ENO2: variants seen among roughly 807,000 people sequenced by gnomAD.
The protein encoded by ENO2 is gamma-enolase.
A neutral mutation model predicts 48.7 loss-of-function variants in ENO2; 19 were observed. The ratio of observed to expected loss-of-function variants is 0.39; its 90% confidence interval spans 0.27 to 0.57. The LOEUF (loss-of-function observed/expected upper bound fraction) is 0.57. Ranked by LOEUF, ENO2 falls within the 20% of genes least tolerant of loss-of-function variation. The pLI is 0.58. For synonymous variants in ENO2, 198 were observed against 213.4 expected, an observed-to-expected ratio of 0.93 and a Z score of 0.63; for missense variants, 416 against 555.0, an observed-to-expected ratio of 0.75 and a Z score of 2.52.
Position 6,916,265 on chromosome 12 carries a change from G to T in ENO2, c.86-152G>T. ...GGCCACTTCTTGTGCATCTGCCTCA[G>T]TGTGTGTGTGGGGTGGGGGTGGGGG... On this transcript the variant is annotated intron_variant, in intron 2 of 11. Coordinates refer to ENST00000229277, the MANE Select transcript of ENO2 (RefSeq NM_001975.3). This position sits in a 1 kb window ranked among gnomAD's most constrained non-coding sequence, Gnocchi z 4.5. 1.5e-6 allele frequency: 1 copy of T among 668,414 alleles called. No individual in the cohort carries two copies. 41.4% of individuals were successfully genotyped at this position (668,414 alleles called of 1,614,324 possible).
At chr12:6,917,749 G>A in intron 6 of ENO2, 35 bp downstream of exon 6, 3 of 1,593,820 alleles carry the variant, frequency 1.9e-6, no homozygotes, top group Non-Finnish European at 1.7e-6. Flanking sequence ...TCTCCCAGGG[G>A]CGGGTGGGGG....
rs1555141701 is a variant in ENO2, at chr12:6,917,186, C to A, written c.310+79C>A. On this transcript the variant is annotated intron_variant, in intron 5 of 11. Coordinates refer to ENST00000229277, the MANE Select transcript of ENO2 (RefSeq NM_001975.3). ...CAGATAGAGAGCTGAAGGGCCAGTGCTGTAGTGGCTTCCTCAGGAATGACT... is the reference window on the plus strand; with the variant it reads ...CAGATAGAGAGCTGAAGGGCCAGTGATGTAGTGGCTTCCTCAGGAATGACT... The A allele has an allele frequency of 5.9e-6, 9 of 1,537,740 alleles. No individual in the cohort carries two copies. The East Asian group carries it at 1.8e-4, about 31-fold the overall frequency.
chr12:6,917,713 C>T lies in ENO2; in HGVS notation c.443C>T (p.Pro148Leu). ...AACTCAGACCTCATCCTGCCTGTGCCGGTGAGCAATAAGCCAGCCTGCGGC... is the reference window on the plus strand; with the variant it reads ...AACTCAGACCTCATCCTGCCTGTGCTGGTGAGCAATAAGCCAGCCTGCGGC... ...AGNSDLILPV[P>L]AFNVINGGSH... Residue 148 changes from proline (P) to leucine (L), a missense_variant and splice_region_variant, in exon 6 of 12, where the codon CCG (proline) becomes CTG (leucine). By Grantham distance (98) the Pro-to-Leu change is moderately conservative. Transcript: ENST00000229277. 2 of 1,295,382 alleles carry T rather than the reference C, an allele frequency of 1.5e-6. No homozygotes were observed. The highest frequency in any genetic ancestry group is 2.0e-6 in the Non-Finnish European group (2 of 981,628). 80.2% of individuals were successfully genotyped at this position (1,295,382 alleles called of 1,614,324 possible).
intron 7 of ENO2, among the ~76,000 whole-genome samples, chr12:6,918,618 C>A (rs1042166063): frequency 1.2e-4 from 18 of 150,930 alleles, no homozygotes; most frequent in African/African-American, 4.4e-4. Context: ...GGATTACAAG[C>A]GTGAGCCACC....
At chr12:6,920,445 G>A (rs183601569) in intron 8 of ENO2, among the ~76,000 whole-genome samples, 7 of 151,416 alleles carry the variant, frequency 4.6e-5, no homozygotes, top group African/African-American at 1.7e-4. Context: ...TCTTGCCCAG[G>A]CTGGAGTGCA....
intron 8 of ENO2, among the ~76,000 whole-genome samples, chr12:6,920,772 G>T (rs1945334298): frequency 7.2e-6 from 1 of 139,274 alleles, no homozygotes; most frequent in African/African-American, 2.7e-5. Context: ...GTTGCTCATG[G>T]CTGGTCTCAA....
In ENO2 at chr12:6,917,306, G is replaced by A. The variant is rs782135534; in HGVS notation, c.310+199G>A. On this transcript the variant is annotated intron_variant, in intron 5 of 11. Coordinates refer to ENST00000229277, the MANE Select transcript of ENO2 (RefSeq NM_001975.3). ...AGTAGGCAGAAGGAAGACCTTCTTT[G>A]CAGCATACAGAGGAGGGGGATGGCC... 66 of 725,326 alleles carry A rather than the reference G, an allele frequency of 9.1e-5. No individual in the cohort carries two copies. In the African/African-American group the frequency reaches 1.1e-3, roughly 12 times the overall value. The allele number at this position is 725,326 out of a possible 1,614,324, so 44.9% of individuals were successfully genotyped here. A position where few individuals can be genotyped will look rare whatever the true frequency, so the allele number is the denominator to read the frequency against.
At chr12:6,917,246 G>A in intron 5 of ENO2, 139 bp downstream of exon 5, 1 of 1,095,472 alleles carries the variant, frequency 9.1e-7, no homozygotes, top group Non-Finnish European at 1.3e-6. Flanking sequence ...CCAGAGCAAG[G>A]GGAGATGAGT....
At chr12:6,917,457 G>T in intron 5 of ENO2, 124 bp from the exon 6 acceptor site, 1 of 1,341,390 alleles carries the variant, frequency 7.5e-7, no homozygotes, top group Non-Finnish European at 1.0e-6. Context: ...GTGTTGCTGG[G>T]GCAGGGGTGG....
At chr12:6,921,851 C>A in intron 9 of ENO2, 69 bp downstream of exon 9, 1 of 1,581,094 alleles carries the variant, frequency 6.3e-7, no homozygotes, top group Non-Finnish European at 8.6e-7. Flanking sequence ...AGTGCTCCAG[C>A]CTAATTCTAC....
In ENO2 at chr12:6,919,571, G is replaced by A. The variant is rs1555141922; in HGVS notation, c.673G>A (p.Glu225Lys). Residue 225 changes from glutamate (E) to lysine (K), a missense_variant, in exon 8 of 12, where the codon GAG becomes AAG. Physicochemically the swap from Glu to Lys is moderately conservative, Grantham distance 56 (BLOSUM62 1). Transcript: ENST00000229277. Reference protein sequence around the residue: ...PNILENSEALELVKEAIDKAG... With the variant: ...PNILENSEALKLVKEAIDKAG... Reference sequence around the variant, plus strand: ...TCACTGTATTCTGTCCCCAGCCTTGGAGCTGGTGAAGGAAGCCATCGACAA... The same window carrying A: ...TCACTGTATTCTGTCCCCAGCCTTGAAGCTGGTGAAGGAAGCCATCGACAA... The A allele has an allele frequency of 6.2e-7, 1 of 1,614,008 alleles. No individual in the cohort carries two copies. The highest frequency in any genetic ancestry group is 1.1e-5 in the South Asian group (1 of 91,064).
chr12:6,914,607 TCGCCACCGCCAC>T lies in ENO2; in HGVS notation c.-52_-41del. On this transcript the variant is annotated 5_prime_UTR_variant, in exon 1 of 12. Coordinates refer to ENST00000229277, the MANE Select transcript of ENO2 (RefSeq NM_001975.3). The surrounding 1 kb of genome is among the most constrained non-coding windows in gnomAD (Gnocchi z 7.1). Reference sequence around the variant, plus strand: ...CACTCCCGCTCTCTCAGCGCCGCCGTCGCCACCGCCACCGCCACCGCCACTACCACCGTCTGA... The same window carrying T: ...CACTCCCGCTCTCTCAGCGCCGCCGTCGCCACCGCCACTACCACCGTCTGA... The T allele has an allele frequency of 1.2e-5, 2 of 169,744 alleles. No homozygotes were observed. The highest frequency in any genetic ancestry group is 2.5e-5 in the Non-Finnish European group (2 of 80,816). The allele number at this position is 169,744 out of a possible 1,614,324, so 10.5% of individuals were successfully genotyped here. A position where few individuals can be genotyped will look rare whatever the true frequency, so the allele number is the denominator to read the frequency against.
rs1945350912 is a variant in ENO2 at position 6,922,645 on chromosome 12, GTGGT to G, written c.1236-82_1236-79del. On this transcript the variant is annotated intron_variant, in intron 11 of 11. Coordinates refer to ENST00000229277, the MANE Select transcript of ENO2 (RefSeq NM_001975.3). The surrounding 1 kb of genome is among the most constrained non-coding windows in gnomAD (Gnocchi z 5.3). ...GGACACAAAAGCAGGTGGTGTGGGG[GTGGT>G]TGGAGTCTGGGGGACCCCTAGAGAG... is the stretch of plus-strand genomic sequence containing the variant. 6.7e-7 allele frequency: 1 copy of G among 1,488,338 alleles called. No homozygotes were observed. Among genetic ancestry groups the G allele is most frequent in the African/African-American group, 1.4e-5 (1 of 72,534 alleles). 92.2% of individuals were successfully genotyped at this position (1,488,338 alleles called of 1,614,324 possible). A position where few individuals can be genotyped will look rare whatever the true frequency, so the allele number is the denominator to read the frequency against.
At chr12:6,915,708 CACTGCAGTAA>C in intron 1 of ENO2, 103 bp from the exon 2 acceptor site, 1 of 378,542 alleles carries the variant, frequency 2.6e-6, no homozygotes. Flanking sequence ...ACCCCCCACC[CACTGCAGTAA>C]CCTCTTTCCC....
At position 6,916,560 on chromosome 12, in the gene ENO2, C is replaced by A; in HGVS notation, c.181+48C>A. 1 of 1,611,412 alleles carries A rather than the reference C, an allele frequency of 6.2e-7. No individual in the cohort carries two copies. Among genetic ancestry groups the A allele is most frequent in the Non-Finnish European group, 8.5e-7 (1 of 1,177,916 alleles). On this transcript the variant is annotated intron_variant, in intron 3 of 11. Coordinates refer to ENST00000229277, the MANE Select transcript of ENO2 (RefSeq NM_001975.3). The surrounding 1 kb of genome is among the most constrained non-coding windows in gnomAD (Gnocchi z 4.5). ...GACTCTCCCCCACCTCAGCCTTATG[C>A]CCCTACCTCACACCAGTCCCCAGTC...
At chr12:6,918,981 C>CAAA (rs58247795) in intron 7 of ENO2, among the ~76,000 whole-genome samples, 8 of 75,824 alleles carry the variant, frequency 1.1e-4, no homozygotes, top group African/African-American at 2.7e-4. Flanking sequence ...GACTCCGTCT[C>CAAA]AAAAAAAAAA....
Position 6,915,868 on chromosome 12 carries a change from G to C in ENO2, c.36G>C (p.Leu12=), listed in dbSNP as rs782430511. ...SIEKIWAREI[L]DSRGNPTVEV... is the part of the protein sequence containing the mutation. ...AGAAGATCTGGGCCCGGGAGATCCT[G>C]GACTCCCGCGGGAACCCCACAGTGG... Residue 12 remains leucine (L), a synonymous_variant, in exon 2 of 12, where the codon CTG becomes CTC. Transcript: ENST00000229277. 6.2e-7 allele frequency: 1 copy of C among 1,613,960 alleles called. No homozygotes were observed. Among genetic ancestry groups the C allele is most frequent in the South Asian group, 1.1e-5 (1 of 91,072 alleles).
rs782575715 is a variant in ENO2, at chr12:6,917,147, G to C, written c.310+40G>C. ...GGAGAAAGTGGGGAAGCGTCAGGGT[G>C]GGGAGGCGTGGAGCAGATAGAGAGC... is the stretch of plus-strand genomic sequence containing the variant. On this transcript the variant is annotated intron_variant, in intron 5 of 11. Transcript: ENST00000229277. 4.3e-6 allele frequency: 7 copies of C among 1,611,966 alleles called. No homozygotes were observed. The South Asian group carries it at 6.6e-5, about 15-fold the overall frequency.
At position 6,919,644 on chromosome 12, in the gene ENO2, C is replaced by T. The variant is rs1490071017; in HGVS notation, c.746C>T (p.Ser249Leu). The T allele has an allele frequency of 3.1e-6, 5 of 1,614,042 alleles. No individual in the cohort carries two copies. Among genetic ancestry groups the T allele is most frequent in the Non-Finnish European group, 4.2e-6 (5 of 1,180,048 alleles). The change falls in exon 8 of 12, where the codon TCA becomes TTA. Residue 249 changes from serine to leucine, a missense_variant. Ser to Leu is a moderately radical substitution (Grantham distance 145). Transcript: ENST00000229277. ...GTTATTGGCATGGATGTTGCTGCCT[C>T]AGAGTTTTATCGTGATGGCAAATAT... ...KIVIGMDVAA[S>L]EFYRDGKYDL... is the part of the protein sequence containing the mutation.
Sources: allele counts gnomAD v4.1 joint callset (sites outside exome capture counted in the v4.1 genomes callset), GRCh38; gene constraint gnomAD v4.1.1; non-coding constraint Gnocchi (gnomAD v3.1); transcripts MANE v1.5; gene names NCBI Gene and HGNC (gene_info 2026-07-23, HGNC 2026-07-21).